NME8: variants seen among roughly 807,000 people sequenced by gnomAD.
NME8 encodes protein NME8.
NME8 carries 72 observed loss-of-function variants against 82.3 expected under a neutral mutation model. The observed-to-expected ratio is 0.87, with a 90% CI of 0.72 to 1.06. The LOEUF (loss-of-function observed/expected upper bound fraction) is 1.06. Among genes scored for constraint, NME8 ranks in the 50% least tolerant of loss-of-function variants. The probability of loss-of-function intolerance (pLI) is 0.00; values close to 1 mark genes in which losing one functional copy is unlikely to be tolerated. For missense variants in NME8, 712 were observed against 685.4 expected (o/e 1.04, Z -0.43); for synonymous variants, 267 against 228.5 (o/e 1.17, Z -1.52).
chr7:37,864,541 G>C (rs1784648251), intron 9 of NME8, 120 bp downstream of exon 9: 2 of 1,045,602 alleles, frequency 1.9e-6, no homozygotes, highest in African/African-American at 3.1e-5. Flanking sequence ...ACTGGTGCTA[G>C]GTACCTCTAG....
chr7:37,857,207 A>G (rs1486328167), intron 5 of NME8, 67 bp from the exon 6 acceptor site: 9 of 1,197,922 alleles, frequency 7.5e-6, no homozygotes, highest in Non-Finnish European at 1.1e-5. Context: ...CATTGTTTCA[A>G]CATAGTGTAT....
chr7:37,886,586 C>T (rs1364492139), intron 14 of NME8, among the ~76,000 whole-genome samples: 1 of 152,160 alleles, frequency 6.6e-6, no homozygotes, highest in African/African-American at 2.4e-5. Flanking sequence ...AAGAGAAGCA[C>T]AGCAACCCCT....
In NME8 at chr7:37,865,554, A is replaced by C. The variant is rs1265766994; in HGVS notation, c.558A>C (p.Ala186=). 6.2e-7 allele frequency: 1 copy of C among 1,612,908 alleles called. No individual in the cohort carries two copies. The highest frequency in any genetic ancestry group is 1.3e-5 in the African/African-American group (1 of 74,906). ...KITKAGFIIE[A]EHKTVLTEEQ... is the part of the protein sequence containing the mutation. ...CCAAAGCTGGATTTATTATAGAAGC[A>C]GAGCATAAGACAGTGCTCACTGAAG... is the stretch of plus-strand genomic sequence containing the variant. Residue 186 remains alanine, a synonymous_variant, in exon 10 of 18, where the codon GCA becomes GCC. Coordinates refer to ENST00000199447, the MANE Select transcript of NME8 (RefSeq NM_016616.5).
chr7:37,876,229 T>TATATATATAGATAG (rs1044568242), intron 11 of NME8, among the ~76,000 whole-genome samples: 1 of 146,128 alleles, frequency 6.8e-6, no homozygotes, highest in African/African-American at 2.5e-5. Context: ...TATATATATA[T>TATATATATAGATAG]ATAGATAGAT....
chr7:37,882,617 AAG>A (rs1225555284), intron 12 of NME8, among the ~76,000 whole-genome samples: 795 of 42,856 alleles, frequency 0.019, 20 homozygotes, highest in East Asian at 0.11. Flanking sequence ...GAGAGAGAGA[AAG>A]AAAGAAAGAA....
intron 7 of NME8, among the ~76,000 whole-genome samples, chr7:37,862,567 A>G (rs2167264): frequency 0.6 from 91,223 of 151,732 alleles, 28,450 homozygotes; most frequent in Non-Finnish European, 0.7. Context: ...ATTTGTAAGA[A>G]CATAAAAGCT....
chr7:37,872,592 A>G (rs2722311), intron 11 of NME8, among the ~76,000 whole-genome samples: 84,849 of 152,080 alleles, frequency 0.56, 24,816 homozygotes, highest in East Asian at 0.68. Flanking sequence ...AGTTCAGTGG[A>G]GAATTGGTAT....
rs1001146715 is a variant in NME8, at chr7:37,885,193, C to T, written c.1188C>T (p.Tyr396=). Residue 396 remains tyrosine (Y), a synonymous_variant, in exon 14 of 18, where the codon TAC becomes TAT. Coordinates refer to ENST00000199447, the MANE Select transcript of NME8 (RefSeq NM_016616.5). ...TATTGAGAGACAATGGCTTGCAATA[C>T]TGGAAACAATTACTGGGACCAAGAA... The part of the protein sequence containing the change: ...LVLLRDNGLQ[Y]WKQLLGPRTV... 54 of 1,613,642 alleles carry T rather than the reference C, an allele frequency of 3.3e-5. No homozygotes were observed. The highest frequency in any genetic ancestry group is 4.4e-5 in the Non-Finnish European group (52 of 1,179,702).
At chr7:37,899,019 AT>A (rs1785273693) in intron 17 of NME8, among the ~76,000 whole-genome samples, 2 of 152,220 alleles carry the variant, frequency 1.3e-5, no homozygotes, top group Non-Finnish European at 2.9e-5. Flanking sequence ...TTAGTGTTAC[AT>A]TTTTAAAAGA....
chr7:37,872,558 A>T, intron 11 of NME8, among the ~76,000 whole-genome samples: 1 of 152,250 alleles, frequency 6.6e-6, no homozygotes, highest in East Asian at 1.9e-4. Flanking sequence ...AACTTGAATT[A>T]TACAAATTGT....
intron 7 of NME8, among the ~76,000 whole-genome samples, 193 bp downstream of exon 7, chr7:37,862,337 T>C (rs1784608765): frequency 6.6e-6 from 1 of 152,194 alleles, no homozygotes; most frequent in Non-Finnish European, 1.5e-5. Flanking sequence ...TATCCAGGTG[T>C]GTAAATGGTG....
chr7:37,866,889 T>A (rs1784690804), intron 10 of NME8, among the ~76,000 whole-genome samples: 2 of 152,168 alleles, frequency 1.3e-5, no homozygotes, highest in Non-Finnish European at 2.9e-5. Context: ...CATTGGTTCT[T>A]CCTGGAGAGG....
intron 11 of NME8, among the ~76,000 whole-genome samples, chr7:37,868,338 C>T (rs536718620): frequency 1.3e-5 from 2 of 152,294 alleles, no homozygotes; most frequent in Admixed American, 6.5e-5. Flanking sequence ...CACTTGTAGA[C>T]ATGTTGGTGC....
At chr7:37,867,220 A>G (rs1784696861) in intron 10 of NME8, among the ~76,000 whole-genome samples, 1 of 151,942 alleles carries the variant, frequency 6.6e-6, no homozygotes, top group African/African-American at 2.4e-5. Flanking sequence ...AATCCAACAG[A>G]ACTGTTTTAG....
At chr7:37,895,080 G>A (rs1785202636) in intron 16 of NME8, among the ~76,000 whole-genome samples, 1 of 152,164 alleles carries the variant, frequency 6.6e-6, no homozygotes. Context: ...CATAATTGAT[G>A]TGTTGAAAGT....
At chr7:37,871,428 A>T (rs1784765942) in intron 11 of NME8, among the ~76,000 whole-genome samples, 2 of 152,156 alleles carry the variant, frequency 1.3e-5, no homozygotes, top group South Asian at 4.1e-4. Context: ...AAATCAAAGG[A>T]TAGTGTAATT....
rs1247444512 is a variant in NME8 at position 37,863,398 on chromosome 7, TC to T, written c.392del (p.Pro131LeufsTer5). Reference sequence around the variant, plus strand: ...TGCATTGCATTTCTTTTTCATAGTATCCTGAAATTCCATTAGTAGACTCAGA... The same window carrying T: ...TGCATTGCATTTCTTTTTCATAGTATCTGAAATTCCATTAGTAGACTCAGA... ...AAGEMARPQY[P>X]EIPLVDSDSE... On this transcript the variant is annotated frameshift_variant, in exon 8 of 18. Transcript: ENST00000199447. LOFTEE classifies it high-confidence loss of function. The T allele has an allele frequency of 6.4e-7, 1 of 1,565,762 alleles. No homozygotes were observed. Among genetic ancestry groups the T allele is most frequent in the South Asian group, 1.1e-5 (1 of 89,968 alleles).
chr7:37,892,048 T>C (rs1373112327), intron 15 of NME8, among the ~76,000 whole-genome samples: 3 of 152,058 alleles, frequency 2.0e-5, no homozygotes, highest in African/African-American at 7.2e-5. Context: ...TTGGAGTTTC[T>C]TGACAGAGTA....
In NME8 at chr7:37,896,997, A is replaced by G; in HGVS notation, c.1672A>G (p.Ile558Val). The change falls in exon 17 of 18, where the codon ATA becomes GTA. Residue 558 changes from isoleucine to valine, a missense_variant. By Grantham distance (29) the Ile-to-Val change is conservative. Coordinates refer to ENST00000199447, the MANE Select transcript of NME8 (RefSeq NM_016616.5). ...SPDSIRAQFG[I>V]SKLKNIVHGA... ...TGACTCCATCCGAGCCCAGTTTGGA[A>G]TAAGTAAATTGAAAAACATTGTCCA... 21 of 1,614,012 alleles carry G rather than the reference A, an allele frequency of 1.3e-5. No homozygotes were observed. The highest frequency in any genetic ancestry group is 1.8e-5 in the Non-Finnish European group (21 of 1,179,930).
Sources: gnomAD v4.1 joint callset for allele counts (sites outside exome capture counted in the v4.1 genomes callset) on GRCh38, gnomAD v4.1.1 for gene constraint, MANE v1.5 for transcripts, NCBI Gene and HGNC (gene_info 2026-07-23, HGNC 2026-07-21) for gene names.